ADGRB3: variants seen among roughly 807,000 people sequenced by gnomAD.
ADGRB3 encodes brain-specific angiogenesis inhibitor 3.
ADGRB3 carries 37 observed loss-of-function variants against 193.4 expected under a neutral mutation model. The observed-to-expected ratio is 0.19, with a 90% CI of 0.15 to 0.25. ADGRB3 has a LOEUF of 0.25. Among genes scored for constraint, ADGRB3 ranks in the 10% least tolerant of loss-of-function variants. ADGRB3 has a pLI of 1.00. For missense variants in ADGRB3, 1,637 were observed against 1,852.9 expected (o/e 0.88, Z 2.14); for synonymous variants, 690 against 644.2 (o/e 1.07, Z -1.08).
At position 69,121,539 on chromosome 6, in the gene ADGRB3, A is replaced by G. The variant is rs1014960498; in HGVS notation, c.2480+45501A>G. On this transcript the variant is annotated intron_variant, in intron 17 of 31. Transcript: ENST00000370598. ...CTGTCTCTTCGGAGCTGTTGGGTAC[A>G]CTTCCCAGACGGGGCAGCCTGGCAG... 2.6e-5 allele frequency among the ~76,000 whole-genome samples: 4 copies of G among 151,718 alleles called. No individual in the cohort carries two copies. The East Asian group carries it at 5.8e-4, about 22-fold the overall frequency.
intron 21 of ADGRB3, among the ~76,000 whole-genome samples, chr6:69,327,428 C>T (rs1768599597): frequency 6.6e-6 from 1 of 152,060 alleles, no homozygotes; most frequent in South Asian, 2.1e-4. Context: ...ATGGAATGTT[C>T]CACTTCTCCG....
intron 30 of ADGRB3, among the ~76,000 whole-genome samples, chr6:69,375,245 T>C (rs1179904824): frequency 6.6e-6 from 1 of 152,148 alleles, no homozygotes. Flanking sequence ...TTTTATACTC[T>C]AGGTTTTAAA....
chr6:69,089,392 T>C (rs765204402), intron 17 of ADGRB3, among the ~76,000 whole-genome samples: 18 of 152,170 alleles, frequency 1.2e-4, no homozygotes, highest in Non-Finnish European at 2.1e-4. Flanking sequence ...TGCTCATAAA[T>C]TGTATATTAA....
intron 26 of ADGRB3, among the ~76,000 whole-genome samples, chr6:69,352,435 C>A (rs1224085930): frequency 1.3e-5 from 2 of 152,168 alleles, no homozygotes; most frequent in African/African-American, 4.8e-5. Context: ...AATTACCTTG[C>A]TTGGTATCAG....
At chr6:69,182,604 T>C (rs1280775465) in intron 17 of ADGRB3, among the ~76,000 whole-genome samples, 1 of 152,118 alleles carries the variant, frequency 6.6e-6, no homozygotes, top group African/African-American at 2.4e-5. Flanking sequence ...TTTTTTCCCT[T>C]ATTTTTTTTC....
intron 17 of ADGRB3, among the ~76,000 whole-genome samples, chr6:69,132,279 A>G (rs1193276016): frequency 1.3e-5 from 2 of 152,102 alleles, no homozygotes. Context: ...CATCTTCTCC[A>G]GCATCTGTTG....
chr6:69,063,002 C>A lies in ADGRB3; in HGVS notation c.2402C>A (p.Ser801Ter), dbSNP rs747907463. ...TIRPEPKTTD[S>*]FLEIELAHLA... ...AGGCCTGAACCCAAAACAACCGATT[C>A]GTTTCTGGAGATAGAACTAGCTCAT... is the stretch of plus-strand genomic sequence containing the variant. The change falls in exon 16 of 32, where the codon TCG (serine) becomes TAG (stop). Residue 801 changes from serine to a stop codon, truncating the protein, a stop_gained. Transcript: ENST00000370598. LOFTEE classifies it high-confidence loss of function. 2 of 1,612,176 alleles carry A rather than the reference C, an allele frequency of 1.2e-6. No homozygotes were observed. The highest frequency in any genetic ancestry group is 8.5e-7 in the Non-Finnish European group (1 of 1,178,748).
At chr6:68,878,520 TTTGTGC>T (rs1270892517) in intron 3 of ADGRB3, among the ~76,000 whole-genome samples, 2 of 152,194 alleles carry the variant, frequency 1.3e-5, no homozygotes, top group African/African-American at 4.8e-5. Flanking sequence ...GACATTTGTG[TTTGTGC>T]TATTTACATT....
intron 17 of ADGRB3, among the ~76,000 whole-genome samples, chr6:69,145,924 T>C (rs1475012450): frequency 6.6e-6 from 1 of 152,014 alleles, no homozygotes; most frequent in African/African-American, 2.4e-5. Flanking sequence ...AGGGAGGAAG[T>C]GTGTGCTTAT....
chr6:68,901,057 T>A (rs1197167591), intron 3 of ADGRB3, among the ~76,000 whole-genome samples: 1 of 152,194 alleles, frequency 6.6e-6, no homozygotes, highest in African/African-American at 2.4e-5. Context: ...CTATATTAGT[T>A]GTTTATATCT....
chr6:68,906,300 A>T (rs1435341410), intron 3 of ADGRB3, among the ~76,000 whole-genome samples: 1 of 151,844 alleles, frequency 6.6e-6, no homozygotes, highest in Non-Finnish European at 1.5e-5. Context: ...TACCACATAT[A>T]TTGGAGGTAT....
At chr6:68,780,502 A>T (rs1376694856) in intron 3 of ADGRB3, among the ~76,000 whole-genome samples, 1 of 152,090 alleles carries the variant, frequency 6.6e-6, no homozygotes, top group African/African-American at 2.4e-5. Flanking sequence ...AAAATATTAC[A>T]ATCAATCCAA....
At chr6:68,984,597 G>T (rs867951925) in intron 10 of ADGRB3, among the ~76,000 whole-genome samples, 1 of 152,068 alleles carries the variant, frequency 6.6e-6, no homozygotes, top group Non-Finnish European at 1.5e-5. Context: ...TTAGGAGGAT[G>T]TGTAAGGCCA....
chr6:69,323,491 G>A (rs1280449816), intron 20 of ADGRB3, among the ~76,000 whole-genome samples: 1 of 152,046 alleles, frequency 6.6e-6, no homozygotes, highest in Non-Finnish European at 1.5e-5. Flanking sequence ...GTATGAGGAA[G>A]TTTTCAAGTA....
intron 17 of ADGRB3, among the ~76,000 whole-genome samples, chr6:69,126,228 TACACACATACATACATA>T (rs1277709782): frequency 2.2e-5 from 3 of 137,172 alleles, no homozygotes; most frequent in Non-Finnish European, 3.2e-5. Context: ...GATAAATAGA[TACACACATACATACATA>T]CATACATACA....
At chr6:68,694,627 C>T (rs1006581612) in intron 3 of ADGRB3, among the ~76,000 whole-genome samples, 7 of 152,110 alleles carry the variant, frequency 4.6e-5, no homozygotes, top group African/African-American at 1.7e-4. Flanking sequence ...TGCTGTGTTC[C>T]TCTCCTCCTG....
intron 17 of ADGRB3, among the ~76,000 whole-genome samples, chr6:69,083,984 A>T (rs1772475134): frequency 6.6e-6 from 1 of 152,058 alleles, no homozygotes; most frequent in Admixed American, 6.6e-5. Context: ...CATGTTGGCC[A>T]GTCTGGTCTC....
At chr6:68,946,722 G>T (rs991113033) in intron 6 of ADGRB3, among the ~76,000 whole-genome samples, 1 of 152,082 alleles carries the variant, frequency 6.6e-6, no homozygotes. Context: ...GATTTGACGG[G>T]GTGGGCTGTG....
chr6:68,756,413 G>T (rs1766299686), intron 3 of ADGRB3, among the ~76,000 whole-genome samples: 1 of 152,150 alleles, frequency 6.6e-6, no homozygotes, highest in African/African-American at 2.4e-5. Context: ...GAATCCAAGG[G>T]GGAACTGTGT....
Sources: gnomAD v4.1 joint callset for allele counts (sites outside exome capture counted in the v4.1 genomes callset) on GRCh38, gnomAD v4.1.1 for gene constraint, MANE v1.5 for transcripts, NCBI Gene and HGNC (gene_info 2026-07-23, HGNC 2026-07-21) for gene names.